The following AOX1 variants were observed in gnomAD, a reference collection of about 807,000 sequenced individuals.
The protein encoded by AOX1 is aldehyde oxidase 1.
AOX1 carries 153 observed loss-of-function variants against 169.5 expected under a neutral mutation model. That is an observed-to-expected ratio of 0.90 (90% CI 0.79 to 1.03). The LOEUF (loss-of-function observed/expected upper bound fraction) is 1.03. Among genes scored for constraint, AOX1 ranks in the 50% least tolerant of loss-of-function variants. The pLI is 0.00. For missense variants in AOX1, 1,656 were observed against 1,663.9 expected (o/e 1.00, Z 0.08); for synonymous variants, 562 against 581.9 (o/e 0.97, Z 0.49).
At chr2:200,682,062 T>C (rs2036159497), downstream of AOX1, among the ~76,000 whole-genome samples, 1 of 152,188 alleles carries the variant, frequency 6.6e-6, no homozygotes, top group Non-Finnish European at 1.5e-5. Flanking sequence ...TAAAATGGCT[T>C]AAGACTTTAA....
chr2:200,636,275 C>T (rs903128152), intron 21 of AOX1, among the ~76,000 whole-genome samples: 3 of 151,766 alleles, frequency 2.0e-5, no homozygotes, highest in East Asian at 1.9e-4. Context: ...ATTATAGGCA[C>T]GCACCACCAT....
chr2:200,603,748 G>A (rs1234929784), intron 7 of AOX1, among the ~76,000 whole-genome samples: 1 of 152,200 alleles, frequency 6.6e-6, no homozygotes, highest in Non-Finnish European at 1.5e-5. Context: ...TGTGTCTGCG[G>A]CTGCTGCCTC....
downstream of AOX1, among the ~76,000 whole-genome samples, chr2:200,674,105 C>T (rs557771251): frequency 1.4e-4 from 21 of 152,378 alleles, no homozygotes; most frequent in African/African-American, 5.0e-4. Context: ...ACCCCAGACA[C>T]AGTGGCCCAC....
At chr2:200,662,129 A>G (rs530202791) in intron 30 of AOX1, among the ~76,000 whole-genome samples, 182 of 152,350 alleles carry the variant, frequency 1.2e-3, no homozygotes, top group Non-Finnish European at 2.0e-3. Context: ...AAATTATTTT[A>G]ATGGAAAGTG....
chr2:200,668,291 TAG>T (rs2035960373), intron 32 of AOX1, among the ~76,000 whole-genome samples: 1 of 151,998 alleles, frequency 6.6e-6, no homozygotes, highest in Non-Finnish European at 1.5e-5. Flanking sequence ...GTATTTTTAG[TAG>T]AGACGGGATT....
Position 200,616,009 on chromosome 2 carries a change from A to T in AOX1, c.1650A>T (p.Glu550Asp). ...VHYPSLADKY[E>D]SALEDLHSKH... ...ATCCTAGCCTTGCAGACAAGTATGA[A>T]AGTGCTTTAGAAGATCTTCATTCCA... The change falls in exon 16 of 35, where the codon GAA (glutamate) becomes GAT (aspartate). Residue 550 changes from glutamate (E) to aspartate (D), a missense_variant. By Grantham distance (45) the Glu-to-Asp change is conservative. Coordinates refer to ENST00000374700, the MANE Select transcript of AOX1 (RefSeq NM_001159.4). 4 of 1,613,920 alleles carry T rather than the reference A, an allele frequency of 2.5e-6. No homozygotes were observed. Among genetic ancestry groups the T allele is most frequent in the Non-Finnish European group, 3.4e-6 (4 of 1,179,826 alleles).
In AOX1 at chr2:200,604,833, C is replaced by T. The variant is rs753990761; in HGVS notation, c.807C>T (p.Thr269=). ...YPQAPVIMGN[T]SVGPEVKFKG... ...AGGCTCCTGTTATCATGGGAAACACCTCTGTGGGTATGTAGAACCCCAGGG... is the reference window on the plus strand; with the variant it reads ...AGGCTCCTGTTATCATGGGAAACACTTCTGTGGGTATGTAGAACCCCAGGG... Residue 269 remains threonine, a synonymous_variant, in exon 9 of 35, where the codon ACC becomes ACT. Transcript: ENST00000374700. 3.7e-6 allele frequency: 6 copies of T among 1,610,278 alleles called. No homozygotes were observed. Among genetic ancestry groups the T allele is most frequent in the Non-Finnish European group, 5.1e-6 (6 of 1,177,846 alleles).
intron 21 of AOX1, among the ~76,000 whole-genome samples, chr2:200,636,151 CAG>C (rs1173351453): frequency 8.0e-5 from 7 of 87,948 alleles, no homozygotes; most frequent in Non-Finnish European, 1.4e-4. Context: ...TTTTTTGAGA[CAG>C]AGTCTCGCTT....
chr2:200,644,131 C>G (rs190807204), intron 25 of AOX1, among the ~76,000 whole-genome samples: 181 of 152,326 alleles, frequency 1.2e-3, no homozygotes, highest in Middle Eastern at 6.8e-3. Context: ...GTCATGAAAT[C>G]CTTGCCTAAG....
At chr2:200,657,186 ATATAT>A (rs1462729762) in intron 27 of AOX1, among the ~76,000 whole-genome samples, 5 of 65,780 alleles carry the variant, frequency 7.6e-5, no homozygotes, top group Non-Finnish European at 8.6e-5. Flanking sequence ...ATATATATAT[ATATAT>A]TTTTTTTTTT....
At chr2:200,590,513 G>A (rs1364548063) in intron 1 of AOX1, among the ~76,000 whole-genome samples, 2 of 152,136 alleles carry the variant, frequency 1.3e-5, no homozygotes, top group Admixed American at 6.5e-5. Flanking sequence ...GACAAGATGC[G>A]TGCTAGATCT....
downstream of AOX1, among the ~76,000 whole-genome samples, chr2:200,674,835 G>A (rs956346567): frequency 6.6e-6 from 1 of 152,160 alleles, no homozygotes; most frequent in Non-Finnish European, 1.5e-5. Context: ...CTTTCCATTC[G>A]GGAAGGGGCA....
chr2:200,658,722 A>ATCGTCCT (rs2035745088), intron 27 of AOX1, among the ~76,000 whole-genome samples: 1 of 152,042 alleles, frequency 6.6e-6, no homozygotes, highest in Non-Finnish European at 1.5e-5. Context: ...TTCCAAGGCC[A>ATCGTCCT]TCGTCCTTTC....
chr2:200,676,336 A>C (rs1020745285), downstream of AOX1, among the ~76,000 whole-genome samples: 2 of 152,144 alleles, frequency 1.3e-5, no homozygotes, highest in Non-Finnish European at 2.9e-5. Context: ...GCAGTGACTC[A>C]TGCCTGTAAT....
chr2:200,605,691 A>G (rs1028451492), intron 10 of AOX1, 63 bp downstream of exon 10: 6 of 687,802 alleles, frequency 8.7e-6, no homozygotes, highest in Admixed American at 2.9e-5. Context: ...TACCTTGCCC[A>G]GCAGACAAGC....
Position 200,612,662 on chromosome 2 carries a change from G to A in AOX1, c.1317G>A (p.Ala439=), listed in dbSNP as rs771321914. The A allele has an allele frequency of 1.6e-4, 266 of 1,613,988 alleles. No homozygotes were observed. The highest frequency in any genetic ancestry group is 2.2e-4 in the Non-Finnish European group (254 of 1,180,004). The change falls in exon 14 of 35, where the codon GCG becomes GCA. Residue 439 remains alanine (A), a synonymous_variant. Transcript: ENST00000374700. ...RQAQRQENAL[A]IVNSGMRVFF... is the part of the protein sequence containing the mutation. Reference sequence around the variant, plus strand: ...CCCAGCGACAGGAGAATGCGCTAGCGATAGTCAATTCAGGAATGAGAGTCT... The same window carrying A: ...CCCAGCGACAGGAGAATGCGCTAGCAATAGTCAATTCAGGAATGAGAGTCT...
intron 26 of AOX1, among the ~76,000 whole-genome samples, chr2:200,654,155 T>G (rs570080072): frequency 2.9e-5 from 4 of 139,440 alleles, no homozygotes; most frequent in Non-Finnish European, 6.0e-5. Context: ...TGATTAAGCT[T>G]AGTAAGGAAG....
In AOX1 at chr2:200,599,680, T is replaced by G. The variant is rs777990998; in HGVS notation, c.370T>G (p.Ser124Ala). The G allele has an allele frequency of 1.2e-6, 2 of 1,612,874 alleles. No individual in the cohort carries two copies. Among genetic ancestry groups the G allele is most frequent in the South Asian group, 1.1e-5 (1 of 90,942 alleles). The change falls in exon 5 of 35, where the codon TCC (serine) becomes GCC (alanine). Residue 124 changes from serine to alanine, a missense_variant. Ser to Ala is a moderately conservative substitution (Grantham distance 99). Coordinates refer to ENST00000374700, the MANE Select transcript of AOX1 (RefSeq NM_001159.4). ...CGFCTPGMVM[S>A]IYTLLRNHPE... ...CTTCTGCACACCTGGGATGGTGATGTCCATCTACACGCTGCTCAGGAACCA... is the reference window on the plus strand; with the variant it reads ...CTTCTGCACACCTGGGATGGTGATGGCCATCTACACGCTGCTCAGGAACCA...
chr2:200,666,683 C>T lies in AOX1; in HGVS notation c.3544-4C>T. 1 of 1,595,100 alleles carries T rather than the reference C, an allele frequency of 6.3e-7. No individual in the cohort carries two copies. Among genetic ancestry groups the T allele is most frequent in the Non-Finnish European group, 8.5e-7 (1 of 1,172,646 alleles). On this transcript the variant is annotated splice_region_variant and splice_polypyrimidine_tract_variant and intron_variant, in intron 31 of 34. Coordinates refer to ENST00000374700, the MANE Select transcript of AOX1 (RefSeq NM_001159.4). ...TAAACATTTTAACTTTTTTTTAATACTAGAACATCAGAACAGACATTGTCA... is the reference window on the plus strand; with the variant it reads ...TAAACATTTTAACTTTTTTTTAATATTAGAACATCAGAACAGACATTGTCA...
Sources: allele counts gnomAD v4.1 joint callset (sites outside exome capture counted in the v4.1 genomes callset), GRCh38; gene constraint gnomAD v4.1.1; transcripts MANE v1.5; gene names NCBI Gene and HGNC (gene_info 2026-07-23, HGNC 2026-07-21).